SLC2A12: variants seen among roughly 807,000 people sequenced by gnomAD.
SLC2A12 encodes solute carrier family 2 member 12, also known as solute carrier family 2, facilitated glucose transporter member 12.
In SLC2A12, 23 loss-of-function variants were observed where a neutral mutation model predicts 41.8. The ratio of observed to expected loss-of-function variants is 0.55; its 90% CI spans 0.40 to 0.78. The LOEUF (loss-of-function observed/expected upper bound fraction) is 0.78, where lower values mean the gene tolerates loss of function less well. Ranked by LOEUF, SLC2A12 falls within the 30% of genes least tolerant of loss-of-function variation. The pLI, the probability that SLC2A12 is intolerant of heterozygous loss-of-function variation, is 0.00. For missense variants in SLC2A12, 654 were observed against 745.6 expected (o/e 0.88, Z 1.43); for synonymous variants, 295 against 285.9 (o/e 1.03, Z -0.32).
intron 2 of SLC2A12, among the ~76,000 whole-genome samples, chr6:134,026,682 A>C (rs991877956): frequency 1.3e-5 from 2 of 152,238 alleles, no homozygotes; most frequent in Non-Finnish European, 1.5e-5. Context: ...CTGAGTCATC[A>C]GAGGCTGGTG....
chr6:134,023,457 G>A (rs546836840), intron 2 of SLC2A12, among the ~76,000 whole-genome samples: 52 of 152,306 alleles, frequency 3.4e-4, no homozygotes, highest in African/African-American at 1.3e-3. Flanking sequence ...AAGGAATTCA[G>A]CTTTGGGGTT....
chr6:133,999,805 T>A (rs1776734116), intron 4 of SLC2A12, among the ~76,000 whole-genome samples: 1 of 152,328 alleles, frequency 6.6e-6, no homozygotes, highest in African/African-American at 2.4e-5. Context: ...ACATTTGGGA[T>A]GCCTTGTTAT....
In SLC2A12 at chr6:133,988,592, A is replaced by G. The variant is rs1265699985; in HGVS notation, c.*2563T>C. ...GCTTAGGCACTGCACTGAACAACAC[A>G]TATTATTTTTATCTTTTTTCTTCTC... On this transcript the variant is annotated 3_prime_UTR_variant, in exon 5 of 5. Coordinates refer to ENST00000275230, the MANE Select transcript of SLC2A12 (RefSeq NM_145176.3). The G allele has an allele frequency of 6.6e-6, 1 of 152,194 alleles. No homozygotes were observed. Among genetic ancestry groups the G allele is most frequent in the Non-Finnish European group, 1.5e-5 (1 of 68,038 alleles). The allele number at this position is 152,194 out of a possible 1,614,324, so 9.4% of individuals were successfully genotyped here.
At chr6:133,996,969 C>A (rs1391058141) in intron 4 of SLC2A12, among the ~76,000 whole-genome samples, 5 of 151,496 alleles carry the variant, frequency 3.3e-5, no homozygotes, top group African/African-American at 4.9e-5. Context: ...AAGCCTCTGG[C>A]TCACTAGTAT....
At chr6:134,042,024 T>A (rs1435600133) in intron 1 of SLC2A12, among the ~76,000 whole-genome samples, 1 of 152,226 alleles carries the variant, frequency 6.6e-6, no homozygotes, top group Non-Finnish European at 1.5e-5. Flanking sequence ...AAAAGATGTA[T>A]CTGTACTTCT....
intron 1 of SLC2A12, among the ~76,000 whole-genome samples, chr6:134,041,465 A>G (rs1777380459): frequency 6.6e-6 from 1 of 152,104 alleles, no homozygotes; most frequent in South Asian, 2.1e-4. Flanking sequence ...CCAGGGCAAC[A>G]AAGAAAGTTG....
chr6:134,007,901 A>G (rs986694418), intron 2 of SLC2A12, among the ~76,000 whole-genome samples: 8 of 152,244 alleles, frequency 5.3e-5, no homozygotes, highest in African/African-American at 1.9e-4. Flanking sequence ...CAAACGTGGC[A>G]TTATCCCTAG....
chr6:134,012,244 A>G (rs543744201), intron 2 of SLC2A12, among the ~76,000 whole-genome samples: 8 of 152,350 alleles, frequency 5.3e-5, no homozygotes, highest in African/African-American at 1.9e-4. Flanking sequence ...AAAAAAGGCA[A>G]TTAAATAAAG....
chr6:134,016,115 G>A (rs1339740346), intron 2 of SLC2A12, among the ~76,000 whole-genome samples: 1 of 152,120 alleles, frequency 6.6e-6, no homozygotes, highest in Non-Finnish European at 1.5e-5. Context: ...AAAAGGCACT[G>A]ACTGTCTTTG....
rs778418894 is a variant in SLC2A12 at position 134,002,071 on chromosome 6, C to G, written c.1626G>C (p.Leu542=). Reference sequence around the variant, plus strand: ...CAGGTATAAACATAACAACAAAAAGCAGGGATGCTAGACTCATGATTGTAT... The same window carrying G: ...CAGGTATAAACATAACAACAAAAAGGAGGGATGCTAGACTCATGATTGTAT... ...FIYTIMSLAS[L]LFVVMFIPET... Residue 542 remains leucine, a synonymous_variant, in exon 4 of 5, where the codon CTG becomes CTC. Coordinates refer to ENST00000275230, the MANE Select transcript of SLC2A12 (RefSeq NM_145176.3). 1 of 1,604,240 alleles carries G rather than the reference C, an allele frequency of 6.2e-7. No homozygotes were observed. Among genetic ancestry groups the G allele is most frequent in the Non-Finnish European group, 8.5e-7 (1 of 1,177,326 alleles).
intron 2 of SLC2A12, chr6:134,009,027 G>C (rs1776847353): frequency 6.6e-6 from 1 of 152,124 alleles, no homozygotes; most frequent in Admixed American, 6.6e-5. Flanking sequence ...GTGAGATTTG[G>C]GGAGAATCAT....
intron 2 of SLC2A12, among the ~76,000 whole-genome samples, chr6:134,020,847 C>G (rs1777030636): frequency 1.3e-5 from 2 of 152,272 alleles, no homozygotes; most frequent in South Asian, 2.1e-4. Context: ...TTCCTTCAAC[C>G]CTGAGATTCT....
chr6:133,993,974 G>T (rs1462902049), intron 4 of SLC2A12, among the ~76,000 whole-genome samples: 1 of 152,166 alleles, frequency 6.6e-6, no homozygotes, highest in Non-Finnish European at 1.5e-5. Context: ...TACCTTGATT[G>T]CATTTTAAGG....
At chr6:134,033,482 T>A (rs1404777903) in intron 1 of SLC2A12, among the ~76,000 whole-genome samples, 1 of 152,134 alleles carries the variant, frequency 6.6e-6, no homozygotes, top group Admixed American at 6.5e-5. Context: ...TTGTTCATTT[T>A]TTCTATGTTT....
intron 2 of SLC2A12, 81 bp downstream of exon 2, chr6:134,028,300 A>G: frequency 6.7e-7 from 1 of 1,490,964 alleles, no homozygotes; most frequent in South Asian, 1.4e-5. Context: ...TCTTCCTTCT[A>G]GCACTTATGT....
intron 1 of SLC2A12, among the ~76,000 whole-genome samples, chr6:134,031,465 G>A (rs1275825921): frequency 6.6e-6 from 1 of 152,102 alleles, no homozygotes. Flanking sequence ...TGGAGATGGG[G>A]GATAAAAAAT....
intron 2 of SLC2A12, among the ~76,000 whole-genome samples, chr6:134,013,603 G>T (rs1345906618): frequency 6.6e-6 from 1 of 152,062 alleles, no homozygotes; most frequent in Non-Finnish European, 1.5e-5. Context: ...GGATGAAAAT[G>T]ATTGTTCTCA....
chr6:134,017,384 A>C (rs1776975999), intron 2 of SLC2A12, among the ~76,000 whole-genome samples: 1 of 152,166 alleles, frequency 6.6e-6, no homozygotes, highest in African/African-American at 2.4e-5. Context: ...GCTCCCCCTT[A>C]ATTATGGAAG....
At chr6:134,001,205 A>G (rs1776750309) in intron 4 of SLC2A12, among the ~76,000 whole-genome samples, 1 of 152,108 alleles carries the variant, frequency 6.6e-6, no homozygotes, top group Non-Finnish European at 1.5e-5. Context: ...AATTGAGTTC[A>G]ATGTATACTG....
Sources: allele counts gnomAD v4.1 joint callset (sites outside exome capture counted in the v4.1 genomes callset), GRCh38; gene constraint gnomAD v4.1.1; transcripts MANE v1.5; gene names NCBI Gene and HGNC (gene_info 2026-07-23, HGNC 2026-07-21).